Variants in ADA2 observed in about 807,000 individuals in gnomAD.
ADA2 encodes the protein adenosine deaminase 2.
Under a neutral mutation model 44.2 loss-of-function variants are expected in ADA2, and 29 were observed. That is an observed-to-expected ratio of 0.66 (90% CI 0.49 to 0.89). The LOEUF (loss-of-function observed/expected upper bound fraction) is 0.89. ADA2 is among the 40% of genes least tolerant of loss of function. The pLI, the probability that ADA2 is intolerant of heterozygous loss-of-function variation, is 0.00. For missense variants in ADA2, 637 were observed against 644.8 expected, an observed-to-expected ratio of 0.99 and a Z score of 0.13; for synonymous variants, 215 against 234.9, an observed-to-expected ratio of 0.92 and a Z score of 0.77.
intron 8 of ADA2, among the ~76,000 whole-genome samples, chr22:17,182,373 A>G (rs1330378747): frequency 1.3e-5 from 2 of 152,132 alleles, no homozygotes; most frequent in Non-Finnish European, 1.5e-5. Flanking sequence ...CTTTGTCTAC[A>G]GTCTTGCCCA....
chr22:17,192,895 C>T (rs575932688), intron 4 of ADA2: 14 of 522,766 alleles, frequency 2.7e-5, no homozygotes, highest in South Asian at 8.0e-5. Flanking sequence ...GCCATCTCCT[C>T]TTTGGCATCA....
rs2061961602 is a variant in ADA2, at chr22:17,180,994, T to G, written c.*489A>C. 6.6e-6 allele frequency: 1 copy of G among 152,482 alleles called. No individual in the cohort carries two copies. Among genetic ancestry groups the G allele is most frequent in the Admixed American group, 6.5e-5 (1 of 15,274 alleles). 9.4% of individuals were successfully genotyped at this position (152,482 alleles called of 1,614,324 possible). A position where few individuals can be genotyped will look rare whatever the true frequency, so the allele number is the denominator to read the frequency against. On this transcript the variant is annotated 3_prime_UTR_variant, in exon 10 of 10. Transcript: ENST00000399837. ...CTCTACTAAAAATGCAAAAATCAGC[T>G]GGGTGTGGTGGCACATGCCTATAAT... is the stretch of plus-strand genomic sequence containing the variant.
intron 1 of ADA2, among the ~76,000 whole-genome samples, chr22:17,217,443 C>T (rs1166660121): frequency 2.6e-5 from 4 of 152,138 alleles, no homozygotes; most frequent in Non-Finnish European, 5.9e-5. Flanking sequence ...AGGGTGGCAA[C>T]GAGCAGGGAC....
At chr22:17,198,446 G>A (rs2062221741) in intron 4 of ADA2, among the ~76,000 whole-genome samples, 1 of 152,134 alleles carries the variant, frequency 6.6e-6, no homozygotes, top group Non-Finnish European at 1.5e-5. Context: ...AAGAGGGTGC[G>A]TGTTCTCGTA....
rs1055393637 is a variant in ADA2, at chr22:17,206,989, A to G, written c.542+82T>C. The G allele has an allele frequency of 2.5e-5, 26 of 1,031,426 alleles. No individual in the cohort carries two copies. The African/African-American group carries it at 3.1e-4, about 12-fold the overall frequency. 63.9% of individuals were successfully genotyped at this position (1,031,426 alleles called of 1,614,324 possible). On this transcript the variant is annotated intron_variant, in intron 3 of 9. Coordinates refer to ENST00000399837, the MANE Select transcript of ADA2 (RefSeq NM_001282225.2). ...TTTTATTAAAGCCAGATTTTTATCT[A>G]TAGGTTTGTACCAAGGGAGACACCT...
At chr22:17,197,486 G>A (rs998936783) in intron 4 of ADA2, among the ~76,000 whole-genome samples, 1 of 151,978 alleles carries the variant, frequency 6.6e-6, no homozygotes, top group Non-Finnish European at 1.5e-5. Context: ...GCCTAGGCTG[G>A]TCTCGAACTC....
At chr22:17,214,792 C>T (rs2062453191) in intron 1 of ADA2, among the ~76,000 whole-genome samples, 1 of 152,242 alleles carries the variant, frequency 6.6e-6, no homozygotes, top group Non-Finnish European at 1.5e-5. Context: ...TTCCCCAAAA[C>T]CCTCCTTCCA....
At chr22:17,185,035 A>T (rs1263820555) in intron 7 of ADA2, among the ~76,000 whole-genome samples, 1 of 133,764 alleles carries the variant, frequency 7.5e-6, no homozygotes, top group African/African-American at 2.9e-5. Flanking sequence ...GATAGAAATA[A>T]AACTCAAGAA....
At chr22:17,185,002 ATATATG>A (rs1568968997) in intron 7 of ADA2, among the ~76,000 whole-genome samples, 1 of 135,744 alleles carries the variant, frequency 7.4e-6, no homozygotes, top group African/African-American at 2.8e-5. Context: ...ATATATATAT[ATATATG>A]AAAACTCCAC....
intron 2 of ADA2, 43 bp downstream of exon 2, chr22:17,209,313 T>A: frequency 6.5e-7 from 1 of 1,537,880 alleles, no homozygotes; most frequent in Non-Finnish European, 8.9e-7. Context: ...GATGAGTCCC[T>A]CTACCTTCCC....
chr22:17,200,556 T>C (rs2062266890), intron 4 of ADA2, among the ~76,000 whole-genome samples: 1 of 152,116 alleles, frequency 6.6e-6, no homozygotes, highest in Admixed American at 6.6e-5. Flanking sequence ...GATCGGACTC[T>C]CCAGGATCCA....
At chr22:17,193,263 C>G in intron 4 of ADA2, 2 of 726,572 alleles carry the variant, frequency 2.8e-6, no homozygotes, top group Admixed American at 1.9e-5. Flanking sequence ...AGCTGGTCAT[C>G]AGAGTCACCA....
At chr22:17,209,114 A>G (rs559200592) in intron 2 of ADA2, among the ~76,000 whole-genome samples, 31 of 152,106 alleles carry the variant, frequency 2.0e-4, no homozygotes, top group Non-Finnish European at 3.8e-4. Flanking sequence ...TAAAAAGGGA[A>G]TAGCAAAGTC....
At chr22:17,184,243 C>T (rs946244829) in intron 7 of ADA2, among the ~76,000 whole-genome samples, 13 of 151,954 alleles carry the variant, frequency 8.6e-5, no homozygotes, top group African/African-American at 2.9e-4. Flanking sequence ...GGATTACAGG[C>T]GTGAGCCACC....
At chr22:17,206,382 G>A (rs1009854920) in intron 3 of ADA2, among the ~76,000 whole-genome samples, 5 of 152,094 alleles carry the variant, frequency 3.3e-5, no homozygotes, top group South Asian at 4.1e-4. Flanking sequence ...ACTTGAACCC[G>A]GGAGGCAGAG....
Position 17,207,084 on chromosome 22 carries a change from CA to C in ADA2, c.528del (p.Glu177SerfsTer7), listed in dbSNP as rs1451913298. Reference sequence around the variant, plus strand: ...ACTACTACTCACCTGTCATCAAACTCAGTGACGTTCTGCACCCGCTTCCGAT... The same window carrying C: ...ACTACTACTCACCTGTCATCAAACTCGTGACGTTCTGCACCCGCTTCCGAT... ...EDYRKRVQNV[T>X]EFDDSLLRNF... On this transcript the variant is annotated frameshift_variant, in exon 3 of 10. Coordinates refer to ENST00000399837, the MANE Select transcript of ADA2 (RefSeq NM_001282225.2). LOFTEE classifies it high-confidence loss of function. The C allele has an allele frequency of 6.2e-7, 1 of 1,614,054 alleles. No homozygotes were observed. The highest frequency in any genetic ancestry group is 1.7e-5 in the Admixed American group (1 of 60,022).
chr22:17,188,427 GC>G lies in ADA2; in HGVS notation c.992del (p.Gly331AlafsTer11). The G allele has an allele frequency of 4.3e-6, 7 of 1,613,484 alleles. No homozygotes were observed. Among genetic ancestry groups the G allele is most frequent in the Non-Finnish European group, 5.9e-6 (7 of 1,179,456 alleles). ...GFDLVGHEDT[G>X]HSLHDYKEAL... ...CTTCCTTGTAGTCATGCAAGGAGTGGCCAGTGTCCTCATGCCCCACCTGCAG... is the reference window on the plus strand; with the variant it reads ...CTTCCTTGTAGTCATGCAAGGAGTGGCAGTGTCCTCATGCCCCACCTGCAG... On this transcript the variant is annotated frameshift_variant, in exon 7 of 10. Coordinates refer to ENST00000399837, the MANE Select transcript of ADA2 (RefSeq NM_001282225.2). LOFTEE classifies it high-confidence loss of function.
At chr22:17,190,153 C>G in intron 5 of ADA2, 121 bp from the exon 6 acceptor site, 1 of 733,762 alleles carries the variant, frequency 1.4e-6, no homozygotes, top group Non-Finnish European at 2.4e-6. Flanking sequence ...TTTCCCAAAC[C>G]TGAGGCACCC....
chr22:17,217,594 C>T (rs1266519339), intron 1 of ADA2, among the ~76,000 whole-genome samples: 1 of 152,054 alleles, frequency 6.6e-6, no homozygotes, highest in African/African-American at 2.4e-5. Context: ...CTGAGGTGGG[C>T]AGATCACTGG....
Sources: gnomAD v4.1 joint callset for allele counts (sites outside exome capture counted in the v4.1 genomes callset) on GRCh38, gnomAD v4.1.1 for gene constraint, MANE v1.5 for transcripts, NCBI Gene and HGNC (gene_info 2026-07-23, HGNC 2026-07-21) for gene names.